Variants in PRKG2 observed in about 807,000 individuals in gnomAD.
PRKG2 encodes the protein cGMP-dependent protein kinase 2.
PRKG2 carries 33 observed loss-of-function variants against 97.2 expected under a neutral mutation model. That is an observed-to-expected ratio of 0.34 (90% CI 0.26 to 0.45). The LOEUF is 0.45. PRKG2 is among the 20% of genes least tolerant of loss of function. The pLI is 1.00. For synonymous variants in PRKG2, 330 were observed against 321.8 expected, an observed-to-expected ratio of 1.03 and a Z score of -0.27; for missense variants, 638 against 900.0, an observed-to-expected ratio of 0.71 and a Z score of 3.73.
At chr4:81,144,653 A>T (rs1195274074) in intron 9 of PRKG2, among the ~76,000 whole-genome samples, 2 of 150,932 alleles carry the variant, frequency 1.3e-5, no homozygotes, top group Non-Finnish European at 3.0e-5. Context: ...ACATGTGCAC[A>T]ATGTGCAGGT....
chr4:81,148,645 T>A (rs958091865), intron 9 of PRKG2, among the ~76,000 whole-genome samples: 8 of 152,174 alleles, frequency 5.3e-5, no homozygotes, highest in African/African-American at 1.9e-4. Context: ...TTGCTGATAT[T>A]TATGTATAAA....
At chr4:81,153,375 A>G (rs184753369) in intron 7 of PRKG2, 1 of 286,280 alleles carries the variant, frequency 3.5e-6, no homozygotes, top group Non-Finnish European at 6.5e-6. Context: ...TAAATAATCC[A>G]GCCATCTCAT....
intron 16 of PRKG2, 59 bp from the exon 17 acceptor site, chr4:81,104,491 T>G: frequency 1.2e-6 from 1 of 826,738 alleles, no homozygotes; most frequent in East Asian, 4.2e-5. Flanking sequence ...TAATTATAAT[T>G]CAGAAAATTT....
At chr4:81,140,132 G>T (rs973457268) in intron 12 of PRKG2, among the ~76,000 whole-genome samples, 1 of 152,176 alleles carries the variant, frequency 6.6e-6, no homozygotes, top group African/African-American at 2.4e-5. Flanking sequence ...GAGAATAGAG[G>T]AGTGGTTACC....
At chr4:81,186,188 C>T (rs1250526002) in intron 2 of PRKG2, among the ~76,000 whole-genome samples, 1 of 152,112 alleles carries the variant, frequency 6.6e-6, no homozygotes, top group African/African-American at 2.4e-5. Context: ...AGCGCCACAC[C>T]ACACTTATTC....
intron 1 of PRKG2, among the ~76,000 whole-genome samples, chr4:81,207,913 T>A (rs1753766662): frequency 6.6e-6 from 1 of 152,200 alleles, no homozygotes; most frequent in Admixed American, 6.5e-5. Flanking sequence ...GTTTCCTGTA[T>A]CAGTCACTAA....
chr4:81,211,741 T>C (rs535210567), intron 1 of PRKG2, among the ~76,000 whole-genome samples: 116 of 152,120 alleles, frequency 7.6e-4, no homozygotes, highest in African/African-American at 2.4e-3. Flanking sequence ...AAGAAAAAAA[T>C]TGACCATCTC....
At chr4:81,196,898 T>C (rs1752991624) in intron 2 of PRKG2, among the ~76,000 whole-genome samples, 1 of 152,156 alleles carries the variant, frequency 6.6e-6, no homozygotes, top group African/African-American at 2.4e-5. Flanking sequence ...AAAGAAACAC[T>C]TTTAGTTAAA....
intron 8 of PRKG2, among the ~76,000 whole-genome samples, chr4:81,149,459 A>T (rs1300943715): frequency 6.6e-6 from 1 of 152,162 alleles, no homozygotes; most frequent in African/African-American, 2.4e-5. Context: ...TAAAGTGTAT[A>T]TTTTTCCATT....
At chr4:81,177,953 T>A (rs1751080712) in intron 2 of PRKG2, among the ~76,000 whole-genome samples, 1 of 151,472 alleles carries the variant, frequency 6.6e-6, no homozygotes, top group Non-Finnish European at 1.5e-5. Context: ...CTGAACACAG[T>A]CTTGGCTATC....
intron 17 of PRKG2, among the ~76,000 whole-genome samples, chr4:81,102,540 T>C (rs1742906025): frequency 6.6e-6 from 1 of 152,102 alleles, no homozygotes; most frequent in Admixed American, 6.6e-5. Context: ...CTAAGACAAA[T>C]AATGAGCTTT....
At chr4:81,188,162 A>G (rs1752063709) in intron 2 of PRKG2, among the ~76,000 whole-genome samples, 2 of 152,100 alleles carry the variant, frequency 1.3e-5, no homozygotes, top group African/African-American at 4.8e-5. Flanking sequence ...CAATGAACTC[A>G]AACAAATTTA....
chr4:81,205,297 C>A (rs1578525418), intron 1 of PRKG2, among the ~76,000 whole-genome samples: 1 of 152,076 alleles, frequency 6.6e-6, no homozygotes, highest in East Asian at 1.9e-4. Flanking sequence ...CCTTTGAGAG[C>A]ATAAGTATCA....
At chr4:81,203,002 T>C (rs1753412353) in intron 2 of PRKG2, among the ~76,000 whole-genome samples, 2 of 151,966 alleles carry the variant, frequency 1.3e-5, no homozygotes, top group African/African-American at 4.8e-5. Flanking sequence ...TGTAACATTT[T>C]TGTGAGTAAA....
In PRKG2 at chr4:81,101,826, G is replaced by T. The variant is rs546154135; in HGVS notation, c.2126+2544C>A. Among the ~76,000 whole-genome samples, 147 of 151,942 alleles carry T rather than the reference G, an allele frequency of 9.7e-4. 3 individuals are homozygous for T. The South Asian group carries it at 0.017, about 18-fold the overall frequency. On this transcript the variant is annotated intron_variant, in intron 17 of 18. Coordinates refer to ENST00000264399, the MANE Select transcript of PRKG2 (RefSeq NM_006259.3). ...ACTTTAGAAGAGACTGAGAAAATCT[G>T]ATGCCAAACTTTAGAAAGAAGCTTT...
chr4:81,096,639 AT>A, intron 17 of PRKG2, among the ~76,000 whole-genome samples: 1 of 152,308 alleles, frequency 6.6e-6, no homozygotes, highest in Non-Finnish European at 1.5e-5. Flanking sequence ...CTTTGTTGTC[AT>A]TTCAACAATA....
intron 2 of PRKG2, among the ~76,000 whole-genome samples, chr4:81,203,439 A>C (rs930771713): frequency 4.6e-5 from 7 of 152,202 alleles, no homozygotes; most frequent in Admixed American, 2.0e-4. Context: ...TTCTGTTGTT[A>C]AAATTGATCA....
chr4:81,172,621 C>A (rs1169349858), intron 3 of PRKG2, among the ~76,000 whole-genome samples: 2 of 152,086 alleles, frequency 1.3e-5, no homozygotes, highest in Non-Finnish European at 2.9e-5. Flanking sequence ...CTTTACTCTT[C>A]TTTTGCTTTG....
chr4:81,127,035 T>C (rs1745660525), intron 14 of PRKG2, among the ~76,000 whole-genome samples: 1 of 152,166 alleles, frequency 6.6e-6, no homozygotes, highest in East Asian at 1.9e-4. Flanking sequence ...CTTGAGTTAA[T>C]TTTTGTATAA....
Sources: allele counts gnomAD v4.1 joint callset (sites outside exome capture counted in the v4.1 genomes callset), GRCh38; gene constraint gnomAD v4.1.1; transcripts MANE v1.5; gene names NCBI Gene and HGNC (gene_info 2026-07-23, HGNC 2026-07-21).